GRIK2: variants seen among roughly 807,000 people sequenced by gnomAD.
The protein encoded by GRIK2 is glutamate receptor ionotropic, kainate 2.
GRIK2 carries 32 observed loss-of-function variants against 100.3 expected under a neutral mutation model. That is an observed-to-expected ratio of 0.32 (90% CI 0.24 to 0.43). GRIK2 has a LOEUF of 0.43. GRIK2 is among the 20% of genes least tolerant of loss of function. The pLI is 1.00. For synonymous variants in GRIK2, 417 were observed against 389.4 expected (o/e 1.07, Z -0.83); for missense variants, 843 against 1,114.9 (o/e 0.76, Z 3.47).
intron 14 of GRIK2, among the ~76,000 whole-genome samples, chr6:101,972,852 T>C (rs1280022034): frequency 3.3e-5 from 5 of 151,866 alleles, no homozygotes; most frequent in Non-Finnish European, 2.9e-5. Flanking sequence ...GATCAGATGG[T>C]TTTAGGTGTG....
chr6:101,802,667 T>C (rs1028617541), intron 9 of GRIK2, among the ~76,000 whole-genome samples: 13 of 151,912 alleles, frequency 8.6e-5, no homozygotes, highest in Admixed American at 8.5e-4. Flanking sequence ...ATTTTTCTGA[T>C]GCATATAATG....
chr6:101,550,244 G>GA (rs1776439994), intron 2 of GRIK2, among the ~76,000 whole-genome samples: 1 of 152,078 alleles, frequency 6.6e-6, no homozygotes, highest in African/African-American at 2.4e-5. Flanking sequence ...ACTTTGACTT[G>GA]AAAACTACAT....
chr6:101,470,086 A>C (rs1374865502), intron 2 of GRIK2, among the ~76,000 whole-genome samples: 1 of 152,122 alleles, frequency 6.6e-6, no homozygotes, highest in African/African-American at 2.4e-5. Context: ...CAGTCCCTTG[A>C]CAAAAGACAA....
intron 2 of GRIK2, among the ~76,000 whole-genome samples, chr6:101,538,678 C>G (rs141426891): frequency 6.6e-6 from 1 of 151,110 alleles, no homozygotes; most frequent in Non-Finnish European, 1.5e-5. Flanking sequence ...TATAGTGTGT[C>G]CTTCCTGTCA....
chr6:101,626,373 T>C lies in GRIK2; in HGVS notation c.284-7T>C. On this transcript the variant is annotated splice_polypyrimidine_tract_variant and splice_region_variant and intron_variant, in intron 3 of 16. Transcript: ENST00000369134. Reference sequence around the variant, plus strand: ...TCATTATTGACAGACCTTTATCTCCTCTTCAGCCTGTGATCAGCTGTCTCT... The same window carrying C: ...TCATTATTGACAGACCTTTATCTCCCCTTCAGCCTGTGATCAGCTGTCTCT... 1 of 1,609,358 alleles carries C rather than the reference T, an allele frequency of 6.2e-7. No individual in the cohort carries two copies. The highest frequency in any genetic ancestry group is 8.5e-7 in the Non-Finnish European group (1 of 1,177,596).
chr6:101,494,953 T>A (rs1165241041), intron 2 of GRIK2, among the ~76,000 whole-genome samples: 1 of 110,448 alleles, frequency 9.1e-6, no homozygotes, highest in African/African-American at 3.5e-5. Context: ...AAATAAAAAG[T>A]AATACCTATA....
At chr6:101,905,539 G>A (rs749490088) in intron 12 of GRIK2, among the ~76,000 whole-genome samples, 1 of 151,504 alleles carries the variant, frequency 6.6e-6, no homozygotes, top group Admixed American at 6.6e-5. Flanking sequence ...ACACAAAACA[G>A]CATGTATCCA....
In GRIK2 at chr6:101,424,007, A is replaced by G. The variant is rs76190546; in HGVS notation, c.115+24615A>G. 3.2e-4 allele frequency among the ~76,000 whole-genome samples: 48 copies of G among 152,316 alleles called. 1 individual carries two copies. In the East Asian group the frequency reaches 3.9e-3, roughly 12 times the overall value. On this transcript the variant is annotated intron_variant, in intron 2 of 16. Coordinates refer to ENST00000369134, the MANE Select transcript of GRIK2 (RefSeq NM_021956.5). The stretch of plus-strand genomic sequence containing the variant: ...AATGTCTACAGCCAGAGTAAAGATT[A>G]TAATGATTACTCATGAGGATTTGAT...
chr6:101,724,352 C>T (rs1017328885), intron 7 of GRIK2, among the ~76,000 whole-genome samples: 1 of 151,834 alleles, frequency 6.6e-6, no homozygotes, highest in Non-Finnish European at 1.5e-5. Flanking sequence ...TCCCTCTCTT[C>T]CCCTTCTGGT....
At chr6:101,598,592 T>TAAAAA (rs75603851) in intron 2 of GRIK2, among the ~76,000 whole-genome samples, 61 of 81,848 alleles carry the variant, frequency 7.5e-4, no homozygotes, top group East Asian at 1.4e-3. Flanking sequence ...TCTTCCTTAA[T>TAAAAA]AAAAAAAAAA....
rs1772126284 is a variant in GRIK2 at position 102,068,464 on chromosome 6, C to A, written c.2680C>A (p.His894Asn). 6.2e-7 allele frequency: 1 copy of A among 1,611,928 alleles called. No homozygotes were observed. Among genetic ancestry groups the A allele is most frequent in the Non-Finnish European group, 8.5e-7 (1 of 1,178,586 alleles). The change falls in exon 17 of 17, where the codon CAC becomes AAC. Residue 894 changes from histidine (H) to asparagine (N), a missense_variant. By Grantham distance (68) the His-to-Asn change is moderately conservative. This residue lies in a region of GRIK2 where 87 missense variants were observed against 83.2 expected (regional missense o/e 1.05). Coordinates refer to ENST00000369134, the MANE Select transcript of GRIK2 (RefSeq NM_021956.5). ...IVKTEEVINM[H>N]TFNDRRLPGK... The stretch of plus-strand genomic sequence containing the variant: ...GAAAACAGAAGAAGTTATCAACATG[C>A]ACACATTTAACGACAGAAGGTTGCC...
At chr6:101,418,967 A>T (rs1222734394) in intron 2 of GRIK2, among the ~76,000 whole-genome samples, 1 of 152,172 alleles carries the variant, frequency 6.6e-6, no homozygotes, top group East Asian at 1.9e-4. Context: ...AATATTTTTA[A>T]TATAATGTCT....
intron 4 of GRIK2, among the ~76,000 whole-genome samples, chr6:101,647,375 A>C (rs898658106): frequency 1.3e-5 from 2 of 152,020 alleles, no homozygotes; most frequent in African/African-American, 4.8e-5. Flanking sequence ...GACAGAAGTT[A>C]AGACATGTGG....
At chr6:101,810,916 G>C (rs546437573) in intron 9 of GRIK2, among the ~76,000 whole-genome samples, 145 of 152,032 alleles carry the variant, frequency 9.5e-4, no homozygotes, top group African/African-American at 3.4e-3. Context: ...GAAATAATAG[G>C]TATATGAGTT....
At chr6:101,670,888 T>C (rs1770383925) in intron 4 of GRIK2, among the ~76,000 whole-genome samples, 1 of 152,182 alleles carries the variant, frequency 6.6e-6, no homozygotes, top group South Asian at 2.1e-4. Flanking sequence ...TACCTTCTTA[T>C]AGAGAAAAAT....
intron 7 of GRIK2, among the ~76,000 whole-genome samples, chr6:101,743,648 G>C (rs1412584422): frequency 6.6e-6 from 1 of 151,618 alleles, no homozygotes; most frequent in African/African-American, 2.4e-5. Flanking sequence ...TCTCCTTCTG[G>C]TCTTTAAAAA....
At chr6:101,666,700 A>G (rs1191772895) in intron 4 of GRIK2, among the ~76,000 whole-genome samples, 2 of 152,238 alleles carry the variant, frequency 1.3e-5, no homozygotes, top group Non-Finnish European at 2.9e-5. Flanking sequence ...AGTTTGAGAA[A>G]GTGGACTGGT....
intron 2 of GRIK2, among the ~76,000 whole-genome samples, chr6:101,486,028 A>G (rs555491428): frequency 6.6e-6 from 1 of 152,064 alleles, no homozygotes; most frequent in South Asian, 2.1e-4. Flanking sequence ...TTATAATTAC[A>G]TGAAATTCAA....
At chr6:101,459,771 CAT>C (rs895466757) in intron 2 of GRIK2, among the ~76,000 whole-genome samples, 30 of 151,422 alleles carry the variant, frequency 2.0e-4, no homozygotes, top group African/African-American at 6.1e-4. Flanking sequence ...AGAAATTACA[CAT>C]CTCTTGCTTT....
Sources: allele counts gnomAD v4.1 joint callset (sites outside exome capture counted in the v4.1 genomes callset), GRCh38; gene constraint gnomAD v4.1.1; regional missense constraint gnomAD v4.1.1; transcripts MANE v1.5; gene names NCBI Gene and HGNC (gene_info 2026-07-23, HGNC 2026-07-21).